The following GALNT14 variants were observed in gnomAD, a reference collection of about 807,000 sequenced individuals.
GALNT14 encodes UDP-GalNAc:polypeptide N-acetylgalactosaminyltransferase 14.
In GALNT14, 60 loss-of-function variants were observed where a neutral mutation model predicts 77.5. The ratio of observed to expected loss-of-function variants is 0.77; its 90% CI spans 0.63 to 0.96. The LOEUF is 0.96. Ranked by LOEUF, GALNT14 falls within the 40% of genes least tolerant of loss-of-function variation. The pLI, the probability that GALNT14 is intolerant of heterozygous loss-of-function variation, is 0.00. For missense variants in GALNT14, 710 were observed against 731.0 expected, an observed-to-expected ratio of 0.97 and a Z score of 0.33; for synonymous variants, 280 against 281.7, an observed-to-expected ratio of 0.99 and a Z score of 0.06.
intron 3 of GALNT14, among the ~76,000 whole-genome samples, chr2:30,963,233 C>T (rs541770061): frequency 6.6e-6 from 1 of 152,304 alleles, no homozygotes; most frequent in South Asian, 2.1e-4. Context: ...GTTCCAGGGC[C>T]TCAGGGCAGC....
At chr2:30,940,774 C>T (rs563868350) in intron 9 of GALNT14, among the ~76,000 whole-genome samples, 3 of 152,274 alleles carry the variant, frequency 2.0e-5, no homozygotes, top group African/African-American at 4.8e-5. Context: ...GACCCAGCCT[C>T]GAACCCCACA....
chr2:31,120,916 G>A (rs1351458442), intron 1 of GALNT14, among the ~76,000 whole-genome samples: 1 of 152,192 alleles, frequency 6.6e-6, no homozygotes, highest in Non-Finnish European at 1.5e-5. Flanking sequence ...ATATTTCCAT[G>A]TCCACTGTGT....
the GALNT14 span, among the ~76,000 whole-genome samples, chr2:30,900,193 C>T: frequency 6.6e-6 from 1 of 152,194 alleles, no homozygotes; most frequent in African/African-American, 2.4e-5. Context: ...AGATGAAATA[C>T]AGGGCTTCCC....
At chr2:31,052,056 G>A (rs1673905249) in intron 1 of GALNT14, among the ~76,000 whole-genome samples, 1 of 152,142 alleles carries the variant, frequency 6.6e-6, no homozygotes, top group Non-Finnish European at 1.5e-5. Context: ...CCCACTGAGT[G>A]CTGAGCTACC....
At chr2:30,955,069 T>C (rs536264562) in intron 6 of GALNT14, among the ~76,000 whole-genome samples, 40 of 152,284 alleles carry the variant, frequency 2.6e-4, no homozygotes, top group African/African-American at 9.6e-4. Context: ...TGGGGAGTAA[T>C]TGAGACACTG....
At chr2:31,068,415 A>T (rs925180972) in intron 1 of GALNT14, among the ~76,000 whole-genome samples, 1 of 151,302 alleles carries the variant, frequency 6.6e-6, no homozygotes, top group Non-Finnish European at 1.5e-5. Flanking sequence ...TGAACCCAGC[A>T]GGCGAAGGTT....
At chr2:30,906,384 CA>C (rs1166693852), downstream of GALNT14, among the ~76,000 whole-genome samples, 5 of 147,412 alleles carry the variant, frequency 3.4e-5, no homozygotes, top group East Asian at 7.9e-4. Context: ...AAATGGAAAA[CA>C]AAAAAAAGGC....
the GALNT14 span, among the ~76,000 whole-genome samples, chr2:30,903,184 C>T: frequency 5.3e-5 from 8 of 152,182 alleles, no homozygotes; most frequent in African/African-American, 9.7e-5. Context: ...TAGCAGTCTG[C>T]GGTAATGGAT....
chr2:30,937,818 G>T (rs1317840446), intron 9 of GALNT14, among the ~76,000 whole-genome samples: 3 of 152,214 alleles, frequency 2.0e-5, no homozygotes, highest in Admixed American at 2.0e-4. Flanking sequence ...GGATTAGGGT[G>T]TGGACATCTT....
chr2:31,089,428 ATAGACTAGCTGAC>A (rs1676617961), intron 1 of GALNT14, among the ~76,000 whole-genome samples: 1 of 152,146 alleles, frequency 6.6e-6, no homozygotes, highest in Non-Finnish European at 1.5e-5. Context: ...GTTTCCTCTT[ATAGACTAGCTGAC>A]TTGGGCCACA....
At chr2:30,910,449 A>T (rs1572948971), downstream of GALNT14, 1 of 155,884 alleles carries the variant, frequency 6.4e-6, no homozygotes, top group South Asian at 2.0e-4. Flanking sequence ...CAACAAAAGA[A>T]GAAAAGAGCA....
chr2:30,952,926 G>A (rs1317303890), intron 6 of GALNT14, among the ~76,000 whole-genome samples: 1 of 152,156 alleles, frequency 6.6e-6, no homozygotes, highest in Non-Finnish European at 1.5e-5. Flanking sequence ...CAGTCCCTGA[G>A]TTTGAAATCC....
At chr2:31,005,583 G>C (rs1204557781) in intron 1 of GALNT14, among the ~76,000 whole-genome samples, 2 of 152,176 alleles carry the variant, frequency 1.3e-5, no homozygotes, top group African/African-American at 4.8e-5. Flanking sequence ...TTTGGTGACT[G>C]AATGCTAATG....
intron 1 of GALNT14, among the ~76,000 whole-genome samples, chr2:31,027,431 A>T (rs892519081): frequency 3.3e-5 from 5 of 151,318 alleles, no homozygotes; most frequent in African/African-American, 1.2e-4. Context: ...ACAAAGCAAA[A>T]AAAAAAAAAA....
the GALNT14 span, among the ~76,000 whole-genome samples, chr2:30,893,033 T>C: frequency 4.6e-5 from 7 of 152,180 alleles, no homozygotes; most frequent in Admixed American, 4.6e-4. Flanking sequence ...TGACCTCTGA[T>C]GCATGCATTC....
intron 1 of GALNT14, among the ~76,000 whole-genome samples, chr2:31,023,882 C>A (rs907356056): frequency 6.6e-6 from 1 of 152,138 alleles, no homozygotes; most frequent in African/African-American, 2.4e-5. Flanking sequence ...CATTTAGTCC[C>A]AAGGATTTAG....
At chr2:31,017,278 A>C (rs1671427566) in intron 1 of GALNT14, among the ~76,000 whole-genome samples, 2 of 152,182 alleles carry the variant, frequency 1.3e-5, no homozygotes, top group Non-Finnish European at 2.9e-5. Flanking sequence ...GCCTGCTAGC[A>C]GTGACTGTGG....
intron 1 of GALNT14, among the ~76,000 whole-genome samples, chr2:31,018,460 C>A (rs1425643051): frequency 6.6e-6 from 1 of 152,090 alleles, no homozygotes; most frequent in African/African-American, 2.4e-5. Flanking sequence ...GAGTGGTAGG[C>A]AAATGAGGAA....
chr2:31,095,795 A>G (rs1253558140), intron 1 of GALNT14, among the ~76,000 whole-genome samples: 1 of 152,206 alleles, frequency 6.6e-6, no homozygotes, highest in Non-Finnish European at 1.5e-5. Context: ...CTGTGTGCCT[A>G]GTTTTCTCAT....
Sources: allele counts gnomAD v4.1 joint callset (sites outside exome capture counted in the v4.1 genomes callset), GRCh38; gene constraint gnomAD v4.1.1; transcripts MANE v1.5; gene names NCBI Gene and HGNC (gene_info 2026-07-23, HGNC 2026-07-21).